The following SMAD3 variants were observed in gnomAD, a reference collection of about 807,000 sequenced individuals.
The protein encoded by SMAD3 is MAD homolog 3.
SMAD3 carries 12 observed loss-of-function variants against 51.8 expected under a neutral mutation model. The observed-to-expected ratio is 0.23, with a 90% CI of 0.15 to 0.38. The LOEUF (loss-of-function observed/expected upper bound fraction) is 0.38. Among genes scored for constraint, SMAD3 ranks in the 10% least tolerant of loss-of-function variants. The pLI, the probability that SMAD3 is intolerant of heterozygous loss-of-function variation, is 1.00. For synonymous variants in SMAD3, 238 were observed against 227.7 expected, an observed-to-expected ratio of 1.05 and a Z score of -0.41; for missense variants, 294 against 565.6, an observed-to-expected ratio of 0.52 and a Z score of 4.87.
intron 1 of SMAD3, among the ~76,000 whole-genome samples, chr15:67,119,086 A>T (rs1961200448): frequency 6.6e-6 from 1 of 151,888 alleles, no homozygotes; most frequent in Non-Finnish European, 1.5e-5. Flanking sequence ...GCTGGGGAGG[A>T]TATGAGCGTA....
intron 1 of SMAD3, among the ~76,000 whole-genome samples, chr15:67,143,758 T>G (rs1335329917): frequency 6.6e-6 from 1 of 152,156 alleles, no homozygotes; most frequent in East Asian, 1.9e-4. Context: ...GTTTTTGTTT[T>G]TTGAGATGGA....
intron 1 of SMAD3, among the ~76,000 whole-genome samples, chr15:67,130,196 G>T (rs997249351): frequency 6.6e-6 from 1 of 152,178 alleles, no homozygotes; most frequent in Non-Finnish European, 1.5e-5. Flanking sequence ...TACAGATGAG[G>T]CAACAGAAAC....
intron 1 of SMAD3, among the ~76,000 whole-genome samples, chr15:67,088,399 A>G (rs1960439012): frequency 1.3e-5 from 2 of 152,218 alleles, no homozygotes; most frequent in African/African-American, 4.8e-5. Flanking sequence ...AGCCCAGGCT[A>G]GGTGAGAGCA....
intron 1 of SMAD3, among the ~76,000 whole-genome samples, chr15:67,160,589 A>G (rs1316556524): frequency 1.3e-5 from 2 of 151,978 alleles, no homozygotes; most frequent in Admixed American, 6.6e-5. Flanking sequence ...TGGTTAACAC[A>G]TGAAACCCCG....
intron 1 of SMAD3, among the ~76,000 whole-genome samples, chr15:67,160,726 G>A (rs1468350086): frequency 2.4e-5 from 3 of 124,244 alleles, no homozygotes; most frequent in Admixed American, 1.1e-4. Context: ...AGCCAAGGTT[G>A]TGCCACTGCA....
chr15:67,126,732 T>C (rs1428679397), intron 1 of SMAD3, among the ~76,000 whole-genome samples: 2 of 152,218 alleles, frequency 1.3e-5, no homozygotes, highest in African/African-American at 4.8e-5. Context: ...GTTTGTCGGA[T>C]GAGTATGTCT....
intron 1 of SMAD3, chr15:67,138,046 G>C (rs1356215564): frequency 6.4e-7 from 1 of 1,551,766 alleles, no homozygotes; most frequent in Non-Finnish European, 8.7e-7. Flanking sequence ...CTGCACCCTA[G>C]GCAAACGTGG....
chr15:67,125,738 G>C, intron 1 of SMAD3: 1 of 985,678 alleles, frequency 1.0e-6, no homozygotes, highest in Non-Finnish European at 1.2e-6. Context: ...GTGCTTGCTG[G>C]AGGAGGATGA....
In SMAD3 at chr15:67,181,275, C is replaced by T; in HGVS notation, c.693C>T (p.Phe231=). 6.2e-7 allele frequency: 1 copy of T among 1,613,570 alleles called. No individual in the cohort carries two copies. Among genetic ancestry groups the T allele is most frequent in the Non-Finnish European group, 8.5e-7 (1 of 1,180,018 alleles). The change falls in exon 6 of 9, where the codon TTC becomes TTT. Residue 231 remains phenylalanine, a synonymous_variant. Transcript: ENST00000327367. ...CAGTTACCTACTGCGAGCCGGCCTT[C>T]TGGTGCTCCATCTCCTACTACGAGC... ...LQPVTYCEPA[F]WCSISYYELN...
chr15:67,068,172 T>G (rs906904839), intron 1 of SMAD3, among the ~76,000 whole-genome samples: 4 of 152,144 alleles, frequency 2.6e-5, no homozygotes, highest in African/African-American at 9.7e-5. Flanking sequence ...AGGCTTAAGA[T>G]TATCACATTT....
chr15:67,160,219 C>A (rs183859912), intron 1 of SMAD3, among the ~76,000 whole-genome samples: 138 of 152,336 alleles, frequency 9.1e-4, no homozygotes, highest in Admixed American at 1.8e-3. Flanking sequence ...AACTTCCAAG[C>A]TGTTTTCCAA....
intron 1 of SMAD3, among the ~76,000 whole-genome samples, chr15:67,105,203 C>G (rs1595901682): frequency 6.6e-6 from 1 of 152,188 alleles, no homozygotes; most frequent in African/African-American, 2.4e-5. Flanking sequence ...CAGTTTACTC[C>G]TTAGTAAACA....
intron 1 of SMAD3, among the ~76,000 whole-genome samples, chr15:67,084,259 T>A (rs574462340): frequency 1.5e-4 from 23 of 151,654 alleles, no homozygotes; most frequent in Non-Finnish European, 2.9e-4. Flanking sequence ...TTTTTTGTAT[T>A]TTTAGTAGAG....
In SMAD3 at chr15:67,185,400, G is replaced by C. The variant is rs549529782; in HGVS notation, c.1009+536G>C. ...GAGGAGAAACATCCGGATCCTGAAG[G>C]ATAGGTAGGCACTAGGCACAGGGAG... On this transcript the variant is annotated intron_variant, in intron 7 of 8. Transcript: ENST00000327367. Among the ~76,000 whole-genome samples, 16 of 152,304 alleles carry C rather than the reference G, an allele frequency of 1.1e-4. No homozygotes were observed. In the East Asian group the frequency reaches 2.7e-3, roughly 26 times the overall value.
At chr15:67,146,126 G>A (rs1961968711) in intron 1 of SMAD3, 1 of 152,244 alleles carries the variant, frequency 6.6e-6, no homozygotes, top group Non-Finnish European at 1.5e-5. Context: ...GGTAAAACTA[G>A]TTGTGGAAAG....
intron 1 of SMAD3, among the ~76,000 whole-genome samples, chr15:67,089,625 A>G (rs1316936559): frequency 6.6e-6 from 1 of 152,228 alleles, no homozygotes; most frequent in Non-Finnish European, 1.5e-5. Context: ...GTGCGTGGGC[A>G]TGTGTGCTCT....
chr15:67,132,674 A>G (rs1349403070), intron 1 of SMAD3, among the ~76,000 whole-genome samples: 2 of 152,184 alleles, frequency 1.3e-5, no homozygotes. Context: ...CAGTGAACTC[A>G]CCAATAGGTT....
At chr15:67,096,954 T>C (rs185719436) in intron 1 of SMAD3, among the ~76,000 whole-genome samples, 5 of 152,318 alleles carry the variant, frequency 3.3e-5, no homozygotes, top group Admixed American at 2.0e-4. Context: ...GAAGGTGCTT[T>C]GGGGGTCTCC....
In SMAD3 at chr15:67,111,738, T is replaced by C. The variant is rs376922870; in HGVS notation, c.206+45378T>C. ...TATAGTTTTGATTTGCATTTCCCTA[T>C]TGGCTAATGATATTGATCATCTCTC... On this transcript the variant is annotated intron_variant, in intron 1 of 8. Coordinates refer to ENST00000327367, the MANE Select transcript of SMAD3 (RefSeq NM_005902.4). Among the ~76,000 whole-genome samples the C allele has an allele frequency of 5.3e-5, 8 of 152,216 alleles. No homozygotes were observed. In the East Asian group the frequency reaches 1.5e-3, roughly 29 times the overall value.
Sources: allele counts gnomAD v4.1 joint callset (sites outside exome capture counted in the v4.1 genomes callset), GRCh38; gene constraint gnomAD v4.1.1; transcripts MANE v1.5; gene names NCBI Gene and HGNC (gene_info 2026-07-23, HGNC 2026-07-21).